Variants in MAN2A1 observed in about 807,000 individuals in gnomAD.
MAN2A1 encodes the protein mannosidase alpha class 2A member 1, also known as alpha-mannosidase 2.
Under a neutral mutation model 142.6 loss-of-function variants are expected in MAN2A1, and 76 were observed. That is an observed-to-expected ratio of 0.53 (90% CI 0.44 to 0.65). MAN2A1 has a LOEUF of 0.65. Ranked by LOEUF, MAN2A1 falls within the 30% of genes least tolerant of loss-of-function variation. The probability of loss-of-function intolerance (pLI) is 0.00; values close to 1 mark genes in which losing one functional copy is unlikely to be tolerated. For missense variants in MAN2A1, 1,311 were observed against 1,365.1 expected (o/e 0.96, Z 0.62); for synonymous variants, 559 against 473.2 (o/e 1.18, Z -2.35).
intron 17 of MAN2A1, among the ~76,000 whole-genome samples, chr5:109,843,534 AT>A (rs1171431826): frequency 3.9e-5 from 6 of 152,348 alleles, no homozygotes; most frequent in African/African-American, 1.4e-4. Context: ...GGTTTAATGT[AT>A]GATCTAATAA....
intron 17 of MAN2A1, 103 bp from the exon 18 acceptor site, chr5:109,845,762 G>A (rs1755328746): frequency 1.3e-6 from 1 of 788,278 alleles, no homozygotes; most frequent in South Asian, 2.5e-5. Context: ...TAAAAAGGAA[G>A]CTTTGTCTTT....
intron 7 of MAN2A1, among the ~76,000 whole-genome samples, chr5:109,773,294 G>A (rs911232507): frequency 3.9e-5 from 6 of 152,276 alleles, no homozygotes; most frequent in Middle Eastern, 3.4e-3. Flanking sequence ...TTAAAGGCAT[G>A]CCATTAACGT....
intron 12 of MAN2A1, among the ~76,000 whole-genome samples, chr5:109,809,460 T>C (rs1344540418): frequency 6.6e-6 from 1 of 152,152 alleles, no homozygotes; most frequent in East Asian, 1.9e-4. Flanking sequence ...ATACACTCAG[T>C]TTTTGTTTCT....
intron 12 of MAN2A1, 60 bp downstream of exon 12, chr5:109,789,587 A>G: frequency 8.3e-7 from 1 of 1,199,688 alleles, no homozygotes; most frequent in Non-Finnish European, 1.2e-6. Flanking sequence ...TTTTGGTTTT[A>G]TGGTTCTGGT....
chr5:109,713,485 A>G (rs1751360696), intron 1 of MAN2A1, 35 bp from the exon 2 acceptor site: 5 of 1,546,540 alleles, frequency 3.2e-6, no homozygotes, highest in Non-Finnish European at 4.4e-6. Flanking sequence ...CTATATTAGT[A>G]TTTCATATAG....
intron 12 of MAN2A1, among the ~76,000 whole-genome samples, chr5:109,810,765 G>A (rs1754294328): frequency 6.6e-6 from 1 of 152,162 alleles, no homozygotes; most frequent in African/African-American, 2.4e-5. Flanking sequence ...CTCTTCAGCA[G>A]TTTTTCTGTT....
chr5:109,831,121 G>C (rs1156583871), intron 16 of MAN2A1, among the ~76,000 whole-genome samples: 1 of 152,216 alleles, frequency 6.6e-6, no homozygotes, highest in Non-Finnish European at 1.5e-5. Context: ...CTTAGCAGCT[G>C]TTTGACCTTG....
At chr5:109,771,828 C>A (rs1753152709) in intron 7 of MAN2A1, among the ~76,000 whole-genome samples, 1 of 152,152 alleles carries the variant, frequency 6.6e-6, no homozygotes, top group Non-Finnish European at 1.5e-5. Flanking sequence ...TAAAAGTGAA[C>A]AAGATGTTTC....
chr5:109,723,735 A>G (rs1410937207), intron 3 of MAN2A1, among the ~76,000 whole-genome samples: 1 of 152,022 alleles, frequency 6.6e-6, no homozygotes, highest in Non-Finnish European at 1.5e-5. Flanking sequence ...TTTATTTCTC[A>G]CCATATTTGC....
intron 3 of MAN2A1, among the ~76,000 whole-genome samples, chr5:109,720,654 A>G (rs1357297731): frequency 6.6e-6 from 1 of 152,200 alleles, no homozygotes; most frequent in East Asian, 1.9e-4. Flanking sequence ...CATAAAATAC[A>G]CTAACAATAG....
At chr5:109,775,168 C>G (rs1753250106) in intron 8 of MAN2A1, among the ~76,000 whole-genome samples, 1 of 152,098 alleles carries the variant, frequency 6.6e-6, no homozygotes, top group Non-Finnish European at 1.5e-5. Context: ...TCCTAACACT[C>G]CTTGAGGATT....
intron 16 of MAN2A1, among the ~76,000 whole-genome samples, chr5:109,841,890 A>G (rs1755214311): frequency 6.6e-6 from 1 of 152,174 alleles, no homozygotes; most frequent in Non-Finnish European, 1.5e-5. Context: ...CAGAATGTAA[A>G]CTTTACTGGC....
intron 15 of MAN2A1, among the ~76,000 whole-genome samples, chr5:109,821,535 C>A (rs900798501): frequency 2.6e-5 from 4 of 152,122 alleles, no homozygotes; most frequent in Admixed American, 2.0e-4. Flanking sequence ...AATGTTCAAT[C>A]CCACCAGCAT....
intron 4 of MAN2A1, among the ~76,000 whole-genome samples, chr5:109,752,406 G>C (rs1752570987): frequency 6.6e-6 from 1 of 152,150 alleles, no homozygotes; most frequent in Non-Finnish European, 1.5e-5. Context: ...ATAAATATTT[G>C]AATGACCATT....
chr5:109,801,672 T>G (rs1157583686), intron 12 of MAN2A1, among the ~76,000 whole-genome samples: 1 of 152,156 alleles, frequency 6.6e-6, no homozygotes, highest in Non-Finnish European at 1.5e-5. Context: ...ACTGGAGTTG[T>G]GTTCTGAATA....
intron 4 of MAN2A1, among the ~76,000 whole-genome samples, chr5:109,732,303 T>C (rs529626380): frequency 6.6e-6 from 1 of 151,724 alleles, no homozygotes; most frequent in African/African-American, 2.4e-5. Flanking sequence ...TTTCTCCCAT[T>C]TTGTAGGTTG....
At chr5:109,792,757 A>G (rs1753766885) in intron 12 of MAN2A1, among the ~76,000 whole-genome samples, 1 of 152,028 alleles carries the variant, frequency 6.6e-6, no homozygotes, top group South Asian at 2.1e-4. Flanking sequence ...AGGAGGGCTC[A>G]TATACATTGC....
intron 3 of MAN2A1, among the ~76,000 whole-genome samples, chr5:109,718,791 A>G (rs1751524549): frequency 6.6e-6 from 1 of 152,132 alleles, no homozygotes; most frequent in Non-Finnish European, 1.5e-5. Flanking sequence ...TGTTTTATTC[A>G]CTGCTGTGTT....
intron 21 of MAN2A1, 192 bp downstream of exon 21, chr5:109,865,338 A>C (rs1755852323): frequency 1.8e-6 from 1 of 566,620 alleles, no homozygotes; most frequent in Admixed American, 3.1e-5. Flanking sequence ...CCTTGTTGAC[A>C]TCAAAAGGCA....
Sources: gnomAD v4.1 joint callset for allele counts (sites outside exome capture counted in the v4.1 genomes callset) on GRCh38, gnomAD v4.1.1 for gene constraint, MANE v1.5 for transcripts, NCBI Gene and HGNC (gene_info 2026-07-23, HGNC 2026-07-21) for gene names.